Variants in MDN1 observed in about 807,000 individuals in gnomAD.
MDN1 encodes the protein midasin AAA ATPase 1, also known as midasin.
Under a neutral mutation model 669.2 loss-of-function variants are expected in MDN1, and 266 were observed. The ratio of observed to expected loss-of-function variants is 0.40; its 90% CI spans 0.36 to 0.44. The LOEUF is 0.44. Ranked by LOEUF, MDN1 falls within the 20% of genes least tolerant of loss-of-function variation. MDN1 has a pLI of 1.00. For missense variants in MDN1, 5,940 were observed against 6,754.0 expected, an observed-to-expected ratio of 0.88 and a Z score of 4.22; for synonymous variants, 2,385 against 2,457.1, an observed-to-expected ratio of 0.97 and a Z score of 0.87.
At chr6:89,713,431 G>A (rs1390710122) in intron 46 of MDN1, 135 bp from the exon 47 acceptor site, 13 of 781,922 alleles carry the variant, frequency 1.7e-5, no homozygotes, top group African/African-American at 1.4e-4. Context: ...AACATTCCAA[G>A]TAGACTCTAG....
intron 1 of MDN1, among the ~76,000 whole-genome samples, chr6:89,814,023 A>G (rs542680760): frequency 6.6e-6 from 1 of 152,200 alleles, no homozygotes; most frequent in South Asian, 2.1e-4. Flanking sequence ...TGATCAGTTG[A>G]ACCTAGGATG....
intron 1 of MDN1, among the ~76,000 whole-genome samples, chr6:89,817,299 AGAGTTT>A (rs1768905808): frequency 6.6e-6 from 1 of 152,230 alleles, no homozygotes; most frequent in Non-Finnish European, 1.5e-5. Flanking sequence ...AGAATATTTT[AGAGTTT>A]GACACTTTTC....
At chr6:89,649,000 A>AAAC (rs999641115) in intron 97 of MDN1, among the ~76,000 whole-genome samples, 6 of 151,586 alleles carry the variant, frequency 4.0e-5, no homozygotes, top group Non-Finnish European at 7.4e-5. Context: ...AAAAAAAAAA[A>AAAC]AAAAAAGAAA....
At chr6:89,725,168 C>T in intron 38 of MDN1, 31 bp downstream of exon 38, 1 of 1,603,888 alleles carries the variant, frequency 6.2e-7, no homozygotes, top group Non-Finnish European at 8.5e-7. Context: ...CCGAGTCTAT[C>T]TTTGGTCTCT....
intron 96 of MDN1, among the ~76,000 whole-genome samples, chr6:89,650,458 G>A (rs1808773087): frequency 6.6e-6 from 1 of 152,212 alleles, no homozygotes; most frequent in African/African-American, 2.4e-5. Flanking sequence ...AAATAGGAAT[G>A]ATTTTGGACA....
At chr6:89,726,258 C>T (rs1815225734) in intron 37 of MDN1, among the ~76,000 whole-genome samples, 1 of 151,866 alleles carries the variant, frequency 6.6e-6, no homozygotes, top group Non-Finnish European at 1.5e-5. Flanking sequence ...GCCAGGAGTT[C>T]AAGACCAGGC....
rs1240056639 is a variant in MDN1, at chr6:89,732,537, C to T, written c.4942+20G>A. ...CCTCTATACGAGCCCCTTGTCCCCACCAGCTACCAGACAACATACCTGAAC... is the reference window on the plus strand; with the variant it reads ...CCTCTATACGAGCCCCTTGTCCCCATCAGCTACCAGACAACATACCTGAAC... On this transcript the variant is annotated intron_variant, in intron 34 of 101. Transcript: ENST00000369393. 5 of 1,611,026 alleles carry T rather than the reference C, an allele frequency of 3.1e-6. No homozygotes were observed. The highest frequency in any genetic ancestry group is 1.3e-5 in the African/African-American group (1 of 74,858).
chr6:89,761,650 C>T lies in MDN1; in HGVS notation c.2455G>A (p.Val819Ile). ...AATAACAAAAACAGAAATACCTCTACAAATGCGAACAATAAGGTATTTTCA... is the reference window on the plus strand; with the variant it reads ...AATAACAAAAACAGAAATACCTCTATAAATGCGAACAATAAGGTATTTTCA... ...MTENTLLFAF[V>I]EGTLAQAVKK... The change falls in exon 17 of 102, where the codon GTA (valine) becomes ATA (isoleucine). Residue 819 changes from valine (V) to isoleucine (I), a missense_variant. Transcript: ENST00000369393. 1 of 1,604,518 alleles carries T rather than the reference C, an allele frequency of 6.2e-7. No homozygotes were observed. Among genetic ancestry groups the T allele is most frequent in the South Asian group, 1.1e-5 (1 of 89,490 alleles).
In MDN1 at chr6:89,718,611, G is replaced by A. The variant is rs764237740; in HGVS notation, c.6338C>T (p.Pro2113Leu). ...CACCTTCTCTAGCAGCCTCCTCCAA[G>A]GTCGTATAAGATCAACCTGTAATTT... ...GGFEQVDLIR[P>L]WRRLLEKVEG... is the part of the protein sequence containing the mutation. Residue 2113 changes from proline (P) to leucine (L), a missense_variant, in exon 43 of 102, where the codon CCT becomes CTT. Pro to Leu is a moderately conservative substitution (Grantham distance 98, BLOSUM62 -3). Coordinates refer to ENST00000369393, the MANE Select transcript of MDN1 (RefSeq NM_014611.3). 5.3e-5 allele frequency: 86 copies of A among 1,613,842 alleles called. No homozygotes were observed. In the Middle Eastern group the frequency reaches 7.4e-3, roughly 139 times the overall value.
rs1290154569 is a variant in MDN1 at position 89,772,810 on chromosome 6, C to G, written c.1935-89G>C. Reference sequence around the variant, plus strand: ...AAACCATATATTCCAGATTCAACAACAAGGATGAGAAAACAGCTCACAGTA... The same window carrying G: ...AAACCATATATTCCAGATTCAACAAGAAGGATGAGAAAACAGCTCACAGTA... On this transcript the variant is annotated intron_variant, in intron 13 of 101. Transcript: ENST00000369393. 2.1e-6 allele frequency: 3 copies of G among 1,424,310 alleles called. No individual in the cohort carries two copies. The East Asian group carries it at 7.0e-5, about 33-fold the overall frequency. The allele number at this position is 1,424,310 out of a possible 1,614,324, so 88.2% of individuals were successfully genotyped here.
chr6:89,736,332 T>C (rs1055448653), intron 33 of MDN1, among the ~76,000 whole-genome samples: 8 of 152,206 alleles, frequency 5.3e-5, no homozygotes, highest in African/African-American at 9.6e-5. Flanking sequence ...ACACTGGTGA[T>C]GCAGCAAGCA....
intron 19 of MDN1, 127 bp downstream of exon 19, chr6:89,758,114 TGAGGTGGGAGGTGG>T: frequency 1.6e-6 from 1 of 644,042 alleles, no homozygotes; most frequent in Non-Finnish European, 2.7e-6. Context: ...TTCAGGATTC[TGAGGTGGGAGGTGG>T]GAGGTGGGAG....
At chr6:89,809,738 T>C (rs949429766) in intron 1 of MDN1, among the ~76,000 whole-genome samples, 2 of 150,106 alleles carry the variant, frequency 1.3e-5, no homozygotes, top group Non-Finnish European at 2.9e-5. Context: ...ATTCTGCCAC[T>C]GCACTCAAGC....
At chr6:89,750,647 G>C in intron 23 of MDN1, 115 bp from the exon 24 acceptor site, 2 of 1,041,280 alleles carry the variant, frequency 1.9e-6, no homozygotes, top group Non-Finnish European at 2.8e-6. Flanking sequence ...CTGTTGCCCA[G>C]GCTGAAGTAT....
At chr6:89,775,869 A>C (rs946746850) in intron 12 of MDN1, among the ~76,000 whole-genome samples, 1 of 151,892 alleles carries the variant, frequency 6.6e-6, no homozygotes, top group Non-Finnish European at 1.5e-5. Context: ...GTATTTTTTT[A>C]GTAAAGACAG....
intron 10 of MDN1, among the ~76,000 whole-genome samples, chr6:89,780,624 T>C (rs574041189): frequency 6.7e-6 from 1 of 149,002 alleles, no homozygotes; most frequent in East Asian, 2.0e-4. Context: ...CAGATCAGAA[T>C]GAGGAGATGC....
In MDN1 at chr6:89,781,313, T is replaced by C. The variant is rs982583072; in HGVS notation, c.1643+86A>G. ...TTGGAGTGAGCCAAAACTGCACCAC[T>C]GCACTCCAGCCTGGGTAACAGAGCA... On this transcript the variant is annotated intron_variant, in intron 10 of 101. Transcript: ENST00000369393. The C allele has an allele frequency of 1.9e-5, 26 of 1,356,302 alleles. 1 individual carries two copies. The highest frequency in any genetic ancestry group is 4.3e-4 in the Middle Eastern group (2 of 4,646). 84.0% of individuals were successfully genotyped at this position (1,356,302 alleles called of 1,614,324 possible). A position where few individuals can be genotyped will look rare whatever the true frequency, so the allele number is the denominator to read the frequency against.
At chr6:89,649,197 C>G (rs781575573) in intron 97 of MDN1, among the ~76,000 whole-genome samples, 9 of 152,156 alleles carry the variant, frequency 5.9e-5, no homozygotes, top group Non-Finnish European at 1.2e-4. Flanking sequence ...ATGACAAAAG[C>G]AGCAGCAAAC....
Position 89,747,412 on chromosome 6 carries a change from T to C in MDN1, c.3821A>G (p.Asp1274Gly), listed in dbSNP as rs1480009184. The C allele has an allele frequency of 1.9e-6, 3 of 1,614,062 alleles. No individual in the cohort carries two copies. Among genetic ancestry groups the C allele is most frequent in the East Asian group, 2.2e-5 (1 of 44,868 alleles). The change falls in exon 27 of 102, where the codon GAT becomes GGT. Residue 1274 changes from aspartate to glycine, a missense_variant. Asp to Gly is a moderately conservative substitution (Grantham distance 94, BLOSUM62 -1). Around this residue, in one of 5 missense-constraint regions of MDN1, gnomAD observed 2,292 missense variants for 2,638.3 expected, o/e 0.87. Coordinates refer to ENST00000369393, the MANE Select transcript of MDN1 (RefSeq NM_014611.3). ...GTATCTTTCAGCCCATCGGAACAGA[T>C]CACGAAGGGTGATGAAGCCCTGCTT... is the stretch of plus-strand genomic sequence containing the variant. ...AGKQGFITLR[D>G]LFRWAERYRL...
Sources: allele counts gnomAD v4.1 joint callset (sites outside exome capture counted in the v4.1 genomes callset), GRCh38; gene constraint gnomAD v4.1.1; regional missense constraint gnomAD v4.1.1; transcripts MANE v1.5; gene names NCBI Gene and HGNC (gene_info 2026-07-23, HGNC 2026-07-21).